ELP5: variants seen among roughly 807,000 people sequenced by gnomAD.
ELP5 encodes the protein elongator acetyltransferase complex subunit 5, also known as elongator complex protein 5.
A neutral mutation model predicts 33.4 loss-of-function variants in ELP5; 34 were observed. That is an observed-to-expected ratio of 1.02 (90% confidence interval 0.78 to 1.36). The LOEUF (loss-of-function observed/expected upper bound fraction) is 1.36, where lower values mean the gene tolerates loss of function less well. Ranked by LOEUF, ELP5 falls within the 40% of genes most tolerant of loss-of-function variation. The pLI, the probability that ELP5 is intolerant of heterozygous loss-of-function variation, is 0.00. For missense variants in ELP5, 373 were observed against 371.7 expected, an observed-to-expected ratio of 1.00 and a Z score of -0.03; for synonymous variants, 161 against 146.4, an observed-to-expected ratio of 1.10 and a Z score of -0.72.
chr17:7,255,743 A>G (rs916561040), intron 4 of ELP5, among the ~76,000 whole-genome samples: 2 of 152,156 alleles, frequency 1.3e-5, no homozygotes, highest in African/African-American at 2.4e-5. Context: ...ATGAACCACT[A>G]TATTGCCATT....
chr17:7,254,449 C>T (rs111507663), intron 3 of ELP5, 134 bp from the exon 4 acceptor site: 11 of 672,898 alleles, frequency 1.6e-5, no homozygotes, highest in African/African-American at 7.3e-5. Flanking sequence ...TGCTCTCTCT[C>T]AGTAATTATC....
rs887525025 is a variant in ELP5 at position 7,252,276 on chromosome 17, C to G, written c.-275C>G. The G allele has an allele frequency of 2.8e-5, 15 of 535,606 alleles. No individual in the cohort carries two copies. The highest frequency in any genetic ancestry group is 5.1e-5 in the Non-Finnish European group (15 of 295,034). 33.2% of individuals were successfully genotyped at this position (535,606 alleles called of 1,614,324 possible). A position where few individuals can be genotyped will look rare whatever the true frequency, so the allele number is the denominator to read the frequency against. On this transcript the variant is annotated 5_prime_UTR_variant, in exon 1 of 8. Coordinates refer to ENST00000396628, the MANE Select transcript of ELP5 (RefSeq NM_203414.3). ...TGGGTCCTCCTCCCCCTCCCACTGACAACTGCCCCAACTGCTCTTCCCGCC... is the reference window on the plus strand; with the variant it reads ...TGGGTCCTCCTCCCCCTCCCACTGAGAACTGCCCCAACTGCTCTTCCCGCC...
At chr17:7,255,599 G>GACT (rs1429080984) in intron 4 of ELP5, among the ~76,000 whole-genome samples, 1 of 152,054 alleles carries the variant, frequency 6.6e-6, no homozygotes, top group African/African-American at 2.4e-5. Context: ...GGGGCACTGA[G>GACT]ACTAGCCTTG....
rs781414906 is a variant in ELP5 at position 7,259,601 on chromosome 17, G to A, written c.819G>A (p.Gly273=). 6.2e-7 allele frequency: 1 copy of A among 1,614,238 alleles called. No homozygotes were observed. Among genetic ancestry groups the A allele is most frequent in the South Asian group, 1.1e-5 (1 of 91,090 alleles). The change falls in exon 8 of 8, where the codon GGG becomes GGA. Residue 273 remains glycine, a synonymous_variant. Transcript: ENST00000396628. The stretch of plus-strand genomic sequence containing the variant: ...AGGCTCTCCTGCGGCCTAGGCCAGG[G>A]CAGGCTACCAGCCACATCTTCTATG... ...KQQALLRPRP[G]QATSHIFYEP... is the part of the protein sequence containing the mutation.
chr17:7,259,881 G>A lies in ELP5; in HGVS notation c.*196G>A, dbSNP rs79033455. ...AGGTAGGATGAAGACATGGGGTAAT[G>A]TGAGAGAGTAGAACACCCCCGTACC... On this transcript the variant is annotated 3_prime_UTR_variant, in exon 8 of 8. Transcript: ENST00000396628. 0.025 allele frequency: 22,650 copies of A among 893,262 alleles called. 1,770 individuals carry two copies. In the East Asian group the frequency reaches 0.28, roughly 11 times the overall value. 55.3% of individuals were successfully genotyped at this position (893,262 alleles called of 1,614,324 possible).
chr17:7,258,492 G>A (rs888104114), intron 5 of ELP5, 96 bp from the exon 6 acceptor site: 1 of 1,199,802 alleles, frequency 8.3e-7, no homozygotes, highest in African/African-American at 1.5e-5. Context: ...AAAGCAGTCA[G>A]TTAAATAGGT....
At chr17:7,255,998 G>T (rs1292110515) in intron 4 of ELP5, among the ~76,000 whole-genome samples, 1 of 151,976 alleles carries the variant, frequency 6.6e-6, no homozygotes, top group Admixed American at 6.6e-5. Context: ...AGAGGTTGCA[G>T]TGAGCTGAGA....
rs769321590 is a variant in ELP5, at chr17:7,252,761, G to C, written c.47-9G>C. On this transcript the variant is annotated splice_polypyrimidine_tract_variant and intron_variant, in intron 1 of 7. Transcript: ENST00000396628. ...CTCTCATACCCTTTATCCGTCCCTC[G>C]CTCTGCAGATTCCGTGGAGTGGGAG... 6.2e-7 allele frequency: 1 copy of C among 1,613,990 alleles called. No homozygotes were observed. Among genetic ancestry groups the C allele is most frequent in the Non-Finnish European group, 8.5e-7 (1 of 1,179,976 alleles).
At position 7,252,280 on chromosome 17, in the gene ELP5, T is replaced by G. The variant is rs1203153121; in HGVS notation, c.-271T>G. Reference sequence around the variant, plus strand: ...TCCTCCTCCCCCTCCCACTGACAACTGCCCCAACTGCTCTTCCCGCCCCGG... The same window carrying G: ...TCCTCCTCCCCCTCCCACTGACAACGGCCCCAACTGCTCTTCCCGCCCCGG... On this transcript the variant is annotated 5_prime_UTR_variant, in exon 1 of 8. Coordinates refer to ENST00000396628, the MANE Select transcript of ELP5 (RefSeq NM_203414.3). The G allele has an allele frequency of 1.8e-6, 1 of 542,118 alleles. No individual in the cohort carries two copies. Among genetic ancestry groups the G allele is most frequent in the Non-Finnish European group, 3.3e-6 (1 of 298,792 alleles). 33.6% of individuals were successfully genotyped at this position (542,118 alleles called of 1,614,324 possible).
At position 7,252,378 on chromosome 17, in the gene ELP5, C is replaced by T; in HGVS notation, c.-173C>T. 1.0e-6 allele frequency: 1 copy of T among 982,828 alleles called. No homozygotes were observed. Among genetic ancestry groups the T allele is most frequent in the Non-Finnish European group, 1.5e-6 (1 of 650,290 alleles). 60.9% of individuals were successfully genotyped at this position (982,828 alleles called of 1,614,324 possible). On this transcript the variant is annotated 5_prime_UTR_variant, in exon 1 of 8. Coordinates refer to ENST00000396628, the MANE Select transcript of ELP5 (RefSeq NM_203414.3). Reference sequence around the variant, plus strand: ...AGGGCTCGGGGAGGGGCGCCCTCCGCGTGAGCGCCCCCCTGGGAATATTGA... The same window carrying T: ...AGGGCTCGGGGAGGGGCGCCCTCCGTGTGAGCGCCCCCCTGGGAATATTGA...
rs762441434 is a variant in ELP5 at position 7,254,652 on chromosome 17, G to A, written c.258G>A (p.Gly86=). Residue 86 remains glycine (G), a synonymous_variant, in exon 4 of 8, where the codon GGG becomes GGA. Transcript: ENST00000396628. ...AAACTGAGGAGGCCTTTCCTGGGGGGCCGCTGGGAGCCTTGAGAGCCATGT... is the reference window on the plus strand; with the variant it reads ...AAACTGAGGAGGCCTTTCCTGGGGGACCGCTGGGAGCCTTGAGAGCCATGT... The part of the protein sequence containing the change: ...WSKTEEAFPG[G]PLGALRAMCK... The A allele has an allele frequency of 5.6e-6, 9 of 1,613,954 alleles. No individual in the cohort carries two copies. The South Asian group carries it at 6.6e-5, about 12-fold the overall frequency.
intron 7 of ELP5, 156 bp downstream of exon 7, chr17:7,259,082 T>TCTGCC: frequency 6.8e-7 from 1 of 1,462,586 alleles, no homozygotes; most frequent in Non-Finnish European, 9.0e-7. Flanking sequence ...CCATTCCCCC[T>TCTGCC]ATAATGGCAG....
rs139872848 is a variant in ELP5, at chr17:7,259,171, G to T, written c.788+245G>T. The T allele has an allele frequency of 2.0e-4, 281 of 1,404,914 alleles. 3 individuals carry two copies. In the East Asian group the frequency reaches 6.6e-3, roughly 33 times the overall value. The allele number at this position is 1,404,914 out of a possible 1,614,324, so 87.0% of individuals were successfully genotyped here. On this transcript the variant is annotated intron_variant, in intron 7 of 7. Coordinates refer to ENST00000396628, the MANE Select transcript of ELP5 (RefSeq NM_203414.3). ...TGTCCCCAGAGCACCCTGGGCCTGG[G>T]CTGAGCCAGACCAGACCCTTGGGAG...
In ELP5 at chr17:7,258,618, A is replaced by C; in HGVS notation, c.622A>C (p.Ser208Arg). 6.2e-7 allele frequency: 1 copy of C among 1,614,190 alleles called. No homozygotes were observed. Among genetic ancestry groups the C allele is most frequent in the African/African-American group, 1.3e-5 (1 of 75,044 alleles). ...GTGGTTCTCCATCCTTCCGGACTTC[A>C]GCCTGGATCTCCAAGAGGGGCCCTC... ...TQWFSILPDF[S>R]LDLQEGPSVE... The change falls in exon 6 of 8, where the codon AGC (serine) becomes CGC (arginine). Residue 208 changes from serine to arginine, a missense_variant. By Grantham distance (110) the Ser-to-Arg change is moderately radical. Transcript: ENST00000396628.
rs1047079880 is a variant in ELP5, at chr17:7,259,838, G to T, written c.*153G>T. ...GCCCCGCCTTGTGAGCCAGGAAGCA[G>T]CGTCTCATCAGGACAGAAGGTAGGA... is the stretch of plus-strand genomic sequence containing the variant. On this transcript the variant is annotated 3_prime_UTR_variant, in exon 8 of 8. Transcript: ENST00000396628. 1 of 1,378,288 alleles carries T rather than the reference G, an allele frequency of 7.3e-7. No homozygotes were observed. The allele number at this position is 1,378,288 out of a possible 1,614,324, so 85.4% of individuals were successfully genotyped here. A position where few individuals can be genotyped will look rare whatever the true frequency, so the allele number is the denominator to read the frequency against.
In ELP5 at chr17:7,254,700, T is replaced by C; in HGVS notation, c.306T>C (p.Pro102=). 1 of 1,614,200 alleles carries C rather than the reference T, an allele frequency of 6.2e-7. No homozygotes were observed. Among genetic ancestry groups the C allele is most frequent in the Admixed American group, 1.7e-5 (1 of 60,022 alleles). The change falls in exon 4 of 8, where the codon CCT becomes CCC. Residue 102 remains proline, a synonymous_variant. Transcript: ENST00000396628. ...TGTGCAAGAGGACAGATCCTGTTCC[T>C]GTCACCATTGCTCTCGATTCACTCA... is the stretch of plus-strand genomic sequence containing the variant. ...RAMCKRTDPV[P]VTIALDSLSW...
In ELP5 at chr17:7,253,077, C is replaced by T. The variant is rs2071988419; in HGVS notation, c.188+79C>T. On this transcript the variant is annotated intron_variant, in intron 3 of 7. Transcript: ENST00000396628. ...AAATTTCTTTACAACAAGCGCAGAA[C>T]CTGGTATGTAGTAGCAGTTCCTTAA... 3.6e-6 allele frequency: 5 copies of T among 1,377,854 alleles called. No individual in the cohort carries two copies. In the South Asian group the frequency reaches 5.8e-5, roughly 16 times the overall value. 85.4% of individuals were successfully genotyped at this position (1,377,854 alleles called of 1,614,324 possible).
At chr17:7,251,937 T>C (rs1402497590), upstream of ELP5, 3 of 158,720 alleles carry the variant, frequency 1.9e-5, no homozygotes, top group Non-Finnish European at 2.8e-5. Flanking sequence ...TGCAGCTGGG[T>C]TTCCCACTCT....
chr17:7,252,374 T>G lies in ELP5; in HGVS notation c.-177T>G. The G allele has an allele frequency of 2.1e-6, 2 of 971,110 alleles. No homozygotes were observed. The highest frequency in any genetic ancestry group is 3.1e-6 in the Non-Finnish European group (2 of 636,632). The allele number at this position is 971,110 out of a possible 1,614,324, so 60.2% of individuals were successfully genotyped here. A position where few individuals can be genotyped will look rare whatever the true frequency, so the allele number is the denominator to read the frequency against. On this transcript the variant is annotated 5_prime_UTR_variant, in exon 1 of 8. Coordinates refer to ENST00000396628, the MANE Select transcript of ELP5 (RefSeq NM_203414.3). ...CGCCAGGGCTCGGGGAGGGGCGCCCTCCGCGTGAGCGCCCCCCTGGGAATA... is the reference window on the plus strand; with the variant it reads ...CGCCAGGGCTCGGGGAGGGGCGCCCGCCGCGTGAGCGCCCCCCTGGGAATA...
Sources: gnomAD v4.1 joint callset for allele counts (sites outside exome capture counted in the v4.1 genomes callset) on GRCh38, gnomAD v4.1.1 for gene constraint, MANE v1.5 for transcripts, NCBI Gene and HGNC (gene_info 2026-07-23, HGNC 2026-07-21) for gene names.